FOXN3: variants seen among roughly 807,000 people sequenced by gnomAD.
FOXN3 encodes the protein forkhead box N3, also known as forkhead box protein N3.
Under a neutral mutation model 38.4 loss-of-function variants are expected in FOXN3, and 7 were observed. That is an observed-to-expected ratio of 0.18 (90% CI 0.10 to 0.34). The LOEUF (loss-of-function observed/expected upper bound fraction) is 0.34, where lower values mean the gene tolerates loss of function less well. Among genes scored for constraint, FOXN3 ranks in the 10% least tolerant of loss-of-function variants. The probability of loss-of-function intolerance (pLI) is 1.00; values close to 1 mark genes in which losing one functional copy is unlikely to be tolerated. For synonymous variants in FOXN3, 230 were observed against 242.2 expected (o/e 0.95, Z 0.47); for missense variants, 456 against 613.4 (o/e 0.74, Z 2.71).
chr14:89,243,344 C>A (rs976895569), intron 4 of FOXN3, among the ~76,000 whole-genome samples: 12 of 152,198 alleles, frequency 7.9e-5, no homozygotes, highest in African/African-American at 2.9e-4. Flanking sequence ...ATCTTTACAA[C>A]ATGAGTTTTA....
chr14:89,339,978 C>T (rs1014601059), intron 3 of FOXN3, among the ~76,000 whole-genome samples: 1 of 152,096 alleles, frequency 6.6e-6, no homozygotes, highest in African/African-American at 2.4e-5. Context: ...GGGGCAATTT[C>T]CAGTTCAGAA....
At chr14:89,398,684 T>C (rs868863492) in intron 2 of FOXN3, among the ~76,000 whole-genome samples, 39 of 152,124 alleles carry the variant, frequency 2.6e-4, no homozygotes, top group African/African-American at 8.9e-4. Flanking sequence ...CCATATTACT[T>C]TTCTTTTCAT....
chr14:89,304,723 C>T (rs761999456), intron 3 of FOXN3, among the ~76,000 whole-genome samples: 2 of 152,008 alleles, frequency 1.3e-5, no homozygotes, highest in Non-Finnish European at 2.9e-5. Context: ...GCATTCAACC[C>T]GGCTGCTCCT....
At chr14:89,216,466 C>T (rs541414664) in intron 4 of FOXN3, among the ~76,000 whole-genome samples, 7 of 152,266 alleles carry the variant, frequency 4.6e-5, no homozygotes, top group Non-Finnish European at 8.8e-5. Flanking sequence ...GGGTGCCCAA[C>T]ATTTAGTGCC....
At chr14:89,455,562 C>T (rs1243596864) in intron 1 of FOXN3, among the ~76,000 whole-genome samples, 1 of 152,156 alleles carries the variant, frequency 6.6e-6, no homozygotes, top group African/African-American at 2.4e-5. Flanking sequence ...ACGCCGAGGG[C>T]GCCCACTGGA....
intron 4 of FOXN3, among the ~76,000 whole-genome samples, chr14:89,258,278 TTA>T (rs1885688447): frequency 1.3e-5 from 2 of 152,160 alleles, no homozygotes; most frequent in Non-Finnish European, 2.9e-5. Context: ...ATGTTCTATA[TTA>T]TTTCAACCCC....
At chr14:89,274,134 G>C (rs1212107456) in intron 4 of FOXN3, among the ~76,000 whole-genome samples, 1 of 152,064 alleles carries the variant, frequency 6.6e-6, no homozygotes, top group African/African-American at 2.4e-5. Context: ...AGTGGGCGAG[G>C]GTCAGGGCAA....
chr14:89,515,458 G>A (rs973639286), intron 1 of FOXN3, among the ~76,000 whole-genome samples: 1 of 152,162 alleles, frequency 6.6e-6, no homozygotes. Flanking sequence ...GGGCACAGTG[G>A]CTCACACCTG....
chr14:89,445,553 C>G (rs908440714), intron 1 of FOXN3, among the ~76,000 whole-genome samples: 1 of 152,174 alleles, frequency 6.6e-6, no homozygotes, highest in African/African-American at 2.4e-5. Context: ...GACCTGGGCC[C>G]TGGAGACCAA....
intron 4 of FOXN3, among the ~76,000 whole-genome samples, chr14:89,275,343 A>G (rs967116433): frequency 6.6e-6 from 1 of 152,192 alleles, no homozygotes; most frequent in Non-Finnish European, 1.5e-5. Flanking sequence ...CTAAGCATCA[A>G]AATCCATTCT....
chr14:89,453,180 CAAG>C (rs1439526528), intron 1 of FOXN3, among the ~76,000 whole-genome samples: 2 of 151,286 alleles, frequency 1.3e-5, no homozygotes, highest in African/African-American at 4.9e-5. Context: ...GCTTGGGAGA[CAAG>C]AGGAAAACTC....
chr14:89,473,923 C>A (rs1490200565), intron 1 of FOXN3, among the ~76,000 whole-genome samples: 1 of 151,806 alleles, frequency 6.6e-6, no homozygotes, highest in African/African-American at 2.4e-5. Flanking sequence ...AGTATTCTCC[C>A]ACGCTAAAAA....
At chr14:89,403,662 G>A (rs754946527) in intron 2 of FOXN3, among the ~76,000 whole-genome samples, 66 of 152,228 alleles carry the variant, frequency 4.3e-4, no homozygotes, top group Non-Finnish European at 9.0e-4. Flanking sequence ...GCAGTACATC[G>A]ATGAAGTATC....
intron 3 of FOXN3, among the ~76,000 whole-genome samples, chr14:89,281,784 A>C (rs1886470447): frequency 6.6e-6 from 1 of 152,210 alleles, no homozygotes; most frequent in Admixed American, 6.5e-5. Flanking sequence ...TTCTAAATCA[A>C]GGATTGGTTT....
chr14:89,317,750 C>G (rs939781986), intron 3 of FOXN3, among the ~76,000 whole-genome samples: 1 of 151,958 alleles, frequency 6.6e-6, no homozygotes, highest in African/African-American at 2.4e-5. Flanking sequence ...TCTTATGGTA[C>G]CAGTTCGGGG....
At chr14:89,360,579 A>AGAG (rs397713533) in intron 2 of FOXN3, among the ~76,000 whole-genome samples, 1,694 of 108,894 alleles carry the variant, frequency 0.016, 36 homozygotes, top group African/African-American at 0.054. Flanking sequence ...AGAGAGAGAG[A>AGAG]AGAAGAAAGG....
At chr14:89,603,261 G>C (rs547106524) in intron 1 of FOXN3, among the ~76,000 whole-genome samples, 1 of 152,322 alleles carries the variant, frequency 6.6e-6, no homozygotes, top group South Asian at 2.1e-4. Flanking sequence ...AAATGACAGA[G>C]TCCTAAAATG....
rs1887191216 is a variant in FOXN3, at chr14:89,164,572, A to C, written c.852-1603T>G. 6.6e-6 allele frequency among the ~76,000 whole-genome samples: 1 copy of C among 152,132 alleles called. No individual in the cohort carries two copies. Among genetic ancestry groups the C allele is most frequent in the Non-Finnish European group, 1.5e-5 (1 of 68,004 alleles). Reference sequence around the variant, plus strand: ...TAGCTCCATGAGACAGGGTGTGGTTACTGCTAGGCCCCCAGTGGCTATCGC... The same window carrying C: ...TAGCTCCATGAGACAGGGTGTGGTTCCTGCTAGGCCCCCAGTGGCTATCGC... On this transcript the variant is annotated intron_variant, in intron 5 of 5. Transcript: ENST00000557258. This position sits in a 1 kb window ranked among gnomAD's most constrained non-coding sequence, Gnocchi z 4.3.
intron 1 of FOXN3, among the ~76,000 whole-genome samples, chr14:89,489,492 A>C (rs1893528215): frequency 6.6e-6 from 1 of 152,206 alleles, no homozygotes; most frequent in South Asian, 2.1e-4. Context: ...TCTCCCAAAA[A>C]GCATTTCAAG....
Sources: allele counts gnomAD v4.1 joint callset (sites outside exome capture counted in the v4.1 genomes callset), GRCh38; gene constraint gnomAD v4.1.1; non-coding constraint Gnocchi (gnomAD v3.1); transcripts MANE v1.5; gene names NCBI Gene and HGNC (gene_info 2026-07-23, HGNC 2026-07-21).